Variants in RBFOX1 observed in about 807,000 individuals in gnomAD.
The protein encoded by RBFOX1 is RNA binding protein fox-1 homolog 1.
In RBFOX1, 8 loss-of-function variants were observed where a neutral mutation model predicts 57.7. The observed-to-expected ratio is 0.14, with a 90% CI of 0.08 to 0.25. The LOEUF (loss-of-function observed/expected upper bound fraction) is 0.25, where lower values mean the gene tolerates loss of function less well. Among genes scored for constraint, RBFOX1 ranks in the 10% least tolerant of loss-of-function variants. The probability of loss-of-function intolerance (pLI) is 1.00; values close to 1 mark genes in which losing one functional copy is unlikely to be tolerated. For synonymous variants in RBFOX1, 326 were observed against 222.4 expected, an observed-to-expected ratio of 1.47 and a Z score of -4.15; for missense variants, 611 against 548.5, an observed-to-expected ratio of 1.11 and a Z score of -1.14.
chr16:6,354,065 C>T (rs1221024494), intron 2 of RBFOX1, among the ~76,000 whole-genome samples: 1 of 152,054 alleles, frequency 6.6e-6, no homozygotes, highest in Non-Finnish European at 1.5e-5. Context: ...ACCAAAAATA[C>T]AAAAATTAGC....
At chr16:6,517,640 C>G (rs79604651) in intron 2 of RBFOX1, among the ~76,000 whole-genome samples, 2 of 152,098 alleles carry the variant, frequency 1.3e-5, no homozygotes, top group Admixed American at 6.6e-5. Context: ...TCAAACCCCT[C>G]GAGATAGTAC....
chr16:6,627,498 C>T (rs114595944), intron 2 of RBFOX1, among the ~76,000 whole-genome samples: 1,995 of 152,178 alleles, frequency 0.013, 56 homozygotes, highest in African/African-American at 0.045. Flanking sequence ...AACTTGCTCC[C>T]TGAAACAGTC....
chr16:5,503,808 T>G (rs1235695583), intron 2 of RBFOX1, among the ~76,000 whole-genome samples: 2 of 152,202 alleles, frequency 1.3e-5, no homozygotes, highest in Non-Finnish European at 2.9e-5. Context: ...TTAGAACATG[T>G]TCATCCCCTC....
chr16:5,345,561 A>G (rs1226144362), intron 1 of RBFOX1, among the ~76,000 whole-genome samples: 1 of 151,980 alleles, frequency 6.6e-6, no homozygotes. Context: ...TTACCTCCCA[A>G]CTGAGGATTT....
At chr16:7,703,868 T>C (rs2081553788) in intron 14 of RBFOX1, among the ~76,000 whole-genome samples, 1 of 152,234 alleles carries the variant, frequency 6.6e-6, no homozygotes, top group Non-Finnish European at 1.5e-5. Flanking sequence ...ATTTGATCGG[T>C]AGAGCTGCAT....
Position 7,550,629 on chromosome 16 carries a change from T to C in RBFOX1, c.271-29148T>C, listed in dbSNP as rs532542933. Among the ~76,000 whole-genome samples, 18 of 152,268 alleles carry C rather than the reference T, an allele frequency of 1.2e-4. No individual in the cohort carries two copies. In the South Asian group the frequency reaches 3.1e-3, roughly 26 times the overall value. Reference sequence around the variant, plus strand: ...ATTCTCATTTTTAATTCGGACCTCATTGAAATAGGAAGCCTTAGAAATTTC... The same window carrying C: ...ATTCTCATTTTTAATTCGGACCTCACTGAAATAGGAAGCCTTAGAAATTTC... On this transcript the variant is annotated intron_variant, in intron 5 of 15. Coordinates refer to ENST00000550418, the MANE Select transcript of RBFOX1 (RefSeq NM_018723.4).
intron 2 of RBFOX1, among the ~76,000 whole-genome samples, chr16:5,593,927 A>G (rs894239925): frequency 1.3e-5 from 2 of 151,952 alleles, no homozygotes; most frequent in African/African-American, 4.8e-5. Context: ...GTCTTACACA[A>G]CCTTGGTCCT....
intron 4 of RBFOX1, among the ~76,000 whole-genome samples, chr16:7,164,065 A>T (rs1217499597): frequency 6.6e-6 from 1 of 152,130 alleles, no homozygotes; most frequent in Non-Finnish European, 1.5e-5. Flanking sequence ...TGCACTCTTC[A>T]CTAAAGCAGT....
At chr16:5,794,133 TG>T (rs1465855854) in intron 3 of RBFOX1, among the ~76,000 whole-genome samples, 1 of 152,196 alleles carries the variant, frequency 6.6e-6, no homozygotes, top group Non-Finnish European at 1.5e-5. Flanking sequence ...TTTAATCTCT[TG>T]GGGCTTTTTC....
In RBFOX1 at chr16:5,596,958, A is replaced by C. The variant is rs561485487; in HGVS notation, c.259-1944A>C. Among the ~76,000 whole-genome samples the C allele has an allele frequency of 1.3e-4, 20 of 152,310 alleles. No individual in the cohort carries two copies. In the South Asian group the frequency reaches 3.3e-3, roughly 25 times the overall value. ...TCTGTGTTGAGGAAGGAGGGGAACA[A>C]ACACATTTTTGATTTCTTGGTCACC... On this transcript the variant is annotated intron_variant, in intron 2 of 2. Coordinates refer to the RBFOX1 transcript ENST00000585867.
rs530289625 is a variant in RBFOX1 at position 6,942,161 on chromosome 16, C to G, written c.-15-109896C>G. Among the ~76,000 whole-genome samples, 6 of 152,274 alleles carry G rather than the reference C, an allele frequency of 3.9e-5. No homozygotes were observed. The East Asian group carries it at 9.7e-4, about 25-fold the overall frequency. The stretch of plus-strand genomic sequence containing the variant: ...GGCTGAGGCAGGAGAATTGCTTGAA[C>G]TTGGGAGATGGAGGTTGCAGTGAGC... On this transcript the variant is annotated intron_variant, in intron 3 of 15. Transcript: ENST00000550418.
intron 14 of RBFOX1, among the ~76,000 whole-genome samples, chr16:7,701,452 T>G (rs924055199): frequency 1.3e-5 from 2 of 152,182 alleles, no homozygotes; most frequent in Admixed American, 6.5e-5. Flanking sequence ...GTGAGGCATC[T>G]AGGTTGCACA....
intron 5 of RBFOX1, among the ~76,000 whole-genome samples, chr16:7,560,012 A>G (rs1346209916): frequency 6.6e-6 from 1 of 152,248 alleles, no homozygotes; most frequent in East Asian, 1.9e-4. Context: ...AGGTTATTTT[A>G]AAAGATTTAT....
intron 3 of RBFOX1, among the ~76,000 whole-genome samples, chr16:6,875,345 A>G (rs2061647924): frequency 6.6e-6 from 1 of 152,116 alleles, no homozygotes; most frequent in African/African-American, 2.4e-5. Flanking sequence ...TCTGTCCTTT[A>G]TACACAGCTT....
At chr16:5,483,786 A>C (rs1358829608) in intron 2 of RBFOX1, among the ~76,000 whole-genome samples, 1 of 152,128 alleles carries the variant, frequency 6.6e-6, no homozygotes, top group African/African-American at 2.4e-5. Flanking sequence ...AACAACAGAC[A>C]TTTATTATTT....
chr16:5,790,506 T>C (rs2054654223), intron 3 of RBFOX1, among the ~76,000 whole-genome samples: 3 of 131,226 alleles, frequency 2.3e-5, no homozygotes. Flanking sequence ...GAAAACAATA[T>C]GCTGAAAAAA....
rs961814550 is a variant in RBFOX1 at position 5,567,756 on chromosome 16, T to C, written c.259-31146T>C. Among the ~76,000 whole-genome samples the C allele has an allele frequency of 1.5e-4, 23 of 149,494 alleles. 1 individual carries two copies. Among genetic ancestry groups the C allele is most frequent in the African/African-American group, 4.4e-4 (18 of 40,888 alleles). On this transcript the variant is annotated intron_variant, in intron 2 of 2. Transcript: ENST00000585867. Reference sequence around the variant, plus strand: ...ACCATCAACATTGTCATTACCATCATCATTGTCGTCACCGTCACCTATACT... The same window carrying C: ...ACCATCAACATTGTCATTACCATCACCATTGTCGTCACCGTCACCTATACT...
chr16:5,643,285 G>A (rs1035340893), intron 3 of RBFOX1, among the ~76,000 whole-genome samples: 1 of 152,148 alleles, frequency 6.6e-6, no homozygotes, highest in Non-Finnish European at 1.5e-5. Context: ...GTGGCTTCTT[G>A]GCTGTCCTTG....
chr16:7,314,641 G>A (rs962703281), intron 4 of RBFOX1, among the ~76,000 whole-genome samples: 4 of 152,084 alleles, frequency 2.6e-5, no homozygotes, highest in African/African-American at 9.7e-5. Context: ...GCTTTATGGT[G>A]TTGTCTGTGA....
Sources: gnomAD v4.1 joint callset for allele counts (sites outside exome capture counted in the v4.1 genomes callset) on GRCh38, gnomAD v4.1.1 for gene constraint, MANE v1.5 for transcripts, NCBI Gene and HGNC (gene_info 2026-07-23, HGNC 2026-07-21) for gene names.